Variants in GFRAL observed in about 807,000 individuals in gnomAD.
The protein encoded by GFRAL is GDNF family receptor alpha-like.
A neutral mutation model predicts 45.4 loss-of-function variants in GFRAL; 36 were observed. That is an observed-to-expected ratio of 0.79 (90% CI 0.61 to 1.05). The LOEUF (loss-of-function observed/expected upper bound fraction) is 1.05, where lower values mean the gene tolerates loss of function less well. Ranked by LOEUF, GFRAL falls within the 50% of genes least tolerant of loss-of-function variation. The pLI is 0.00. For synonymous variants in GFRAL, 166 were observed against 154.1 expected (o/e 1.08, Z -0.57); for missense variants, 507 against 467.5 (o/e 1.08, Z -0.78).
At chr6:55,342,789 G>A (rs1215088042) in intron 3 of GFRAL, among the ~76,000 whole-genome samples, 8 of 152,054 alleles carry the variant, frequency 5.3e-5, no homozygotes, top group East Asian at 1.9e-4. Flanking sequence ...CCCATCTCAC[G>A]TGCAGAGACA....
chr6:55,342,637 G>T (rs1297731430), intron 3 of GFRAL, among the ~76,000 whole-genome samples: 3 of 151,870 alleles, frequency 2.0e-5, no homozygotes, highest in African/African-American at 7.3e-5. Flanking sequence ...AAAATAACCA[G>T]CTAACATCAT....
intron 6 of GFRAL, among the ~76,000 whole-genome samples, chr6:55,363,467 AG>A (rs1444069663): frequency 1.3e-5 from 2 of 149,556 alleles, no homozygotes; most frequent in African/African-American, 5.0e-5. Context: ...TTTAAGTTTT[AG>A]GGTACATGTG....
chr6:55,382,579 C>T (rs902438781), intron 6 of GFRAL, among the ~76,000 whole-genome samples: 2 of 151,874 alleles, frequency 1.3e-5, no homozygotes, highest in Non-Finnish European at 2.9e-5. Flanking sequence ...TCTCCTTCCT[C>T]AGCCTGACTC....
intron 6 of GFRAL, among the ~76,000 whole-genome samples, chr6:55,383,989 T>C (rs1396253621): frequency 1.3e-5 from 2 of 152,024 alleles, no homozygotes; most frequent in East Asian, 3.9e-4. Flanking sequence ...ACTAGTTCCT[T>C]TGAGATACCA....
chr6:55,369,487 G>C (rs1331230948), intron 6 of GFRAL, among the ~76,000 whole-genome samples: 7 of 152,100 alleles, frequency 4.6e-5, no homozygotes, highest in Admixed American at 4.6e-4. Context: ...CTTTTTAAAG[G>C]TCATATCATA....
At chr6:55,383,446 T>A (rs1303180579) in intron 6 of GFRAL, among the ~76,000 whole-genome samples, 1 of 152,012 alleles carries the variant, frequency 6.6e-6, no homozygotes, top group Admixed American at 6.6e-5. Flanking sequence ...TTATACTTTG[T>A]TATACTGTGT....
chr6:55,342,623 G>A (rs566284144), intron 3 of GFRAL, among the ~76,000 whole-genome samples: 6 of 152,000 alleles, frequency 3.9e-5, no homozygotes, highest in Admixed American at 2.6e-4. Flanking sequence ...ATCAACCAAC[G>A]AGCAAAATAA....
chr6:55,390,496 A>G (rs1768734355), intron 6 of GFRAL, among the ~76,000 whole-genome samples: 1 of 152,226 alleles, frequency 6.6e-6, no homozygotes, highest in Non-Finnish European at 1.5e-5. Context: ...AAATATCTGC[A>G]TGAATATAAT....
intron 8 of GFRAL, among the ~76,000 whole-genome samples, chr6:55,400,518 C>G (rs905080476): frequency 2.7e-4 from 41 of 152,148 alleles, no homozygotes; most frequent in African/African-American, 8.7e-4. Flanking sequence ...ACCAAGGGGT[C>G]AGGTACATAC....
At chr6:55,362,611 T>C (rs945896015) in intron 6 of GFRAL, among the ~76,000 whole-genome samples, 1 of 152,002 alleles carries the variant, frequency 6.6e-6, no homozygotes, top group Non-Finnish European at 1.5e-5. Flanking sequence ...AGAGAGAAGT[T>C]GGTTAAGAGA....
intron 6 of GFRAL, among the ~76,000 whole-genome samples, chr6:55,370,992 C>A (rs1461662786): frequency 6.6e-6 from 1 of 152,136 alleles, no homozygotes; most frequent in Non-Finnish European, 1.5e-5. Context: ...GGGCCCTGCC[C>A]AACACCCCTT....
intron 6 of GFRAL, among the ~76,000 whole-genome samples, chr6:55,387,441 G>A (rs987380273): frequency 4.6e-5 from 7 of 152,142 alleles, no homozygotes; most frequent in African/African-American, 1.7e-4. Context: ...TTATGAGCAT[G>A]TGTATTCTTG....
chr6:55,329,849 TA>T (rs202046141), intron 1 of GFRAL, among the ~76,000 whole-genome samples: 11 of 148,726 alleles, frequency 7.4e-5, no homozygotes, highest in Non-Finnish European at 1.0e-4. Context: ...AGGTAAGATT[TA>T]AAAAAAAAAG....
intron 6 of GFRAL, among the ~76,000 whole-genome samples, chr6:55,382,844 T>C (rs1305969525): frequency 6.6e-6 from 1 of 151,986 alleles, no homozygotes; most frequent in Non-Finnish European, 1.5e-5. Context: ...AGAATGTTGG[T>C]ACAAAAATTA....
intron 6 of GFRAL, among the ~76,000 whole-genome samples, chr6:55,388,820 G>C (rs1377115625): frequency 6.6e-6 from 1 of 152,142 alleles, no homozygotes; most frequent in African/African-American, 2.4e-5. Flanking sequence ...TGGCTTAGCA[G>C]TTACCGTCAT....
intron 2 of GFRAL, among the ~76,000 whole-genome samples, chr6:55,333,183 T>G (rs920594742): frequency 6.6e-6 from 1 of 152,018 alleles, no homozygotes; most frequent in Admixed American, 6.6e-5. Flanking sequence ...TATTCTCAAA[T>G]GTACAAATGA....
chr6:55,350,236 C>T (rs1768098444), intron 4 of GFRAL, 91 bp downstream of exon 4: 1 of 727,154 alleles, frequency 1.4e-6, no homozygotes, highest in Non-Finnish European at 2.4e-6. Flanking sequence ...TAGGCCAATA[C>T]AGAACAAATC....
At chr6:55,331,881 A>G (rs745501929) in intron 2 of GFRAL, 32 bp downstream of exon 2, 6 of 1,576,104 alleles carry the variant, frequency 3.8e-6, no homozygotes, top group South Asian at 2.3e-5. Flanking sequence ...CACTCAAATG[A>G]TTTATTTTTA....
At chr6:55,357,396 ATC>A (rs1420877819) in intron 5 of GFRAL, among the ~76,000 whole-genome samples, 1 of 151,566 alleles carries the variant, frequency 6.6e-6, no homozygotes, top group East Asian at 1.9e-4. Context: ...GCTGAGTTGA[ATC>A]TGTTATCATT....
Sources: gnomAD v4.1 joint callset for allele counts (sites outside exome capture counted in the v4.1 genomes callset) on GRCh38, gnomAD v4.1.1 for gene constraint, MANE v1.5 for transcripts, NCBI Gene and HGNC (gene_info 2026-07-23, HGNC 2026-07-21) for gene names.